Variants in PDE10A observed in about 807,000 individuals in gnomAD.
The protein encoded by PDE10A is cAMP and cAMP-inhibited cGMP 3',5'-cyclic phosphodiesterase 10A.
PDE10A carries 39 observed loss-of-function variants against 97.7 expected under a neutral mutation model. The ratio of observed to expected loss-of-function variants is 0.40; its 90% CI spans 0.31 to 0.52. The LOEUF is 0.52. Among genes scored for constraint, PDE10A ranks in the 20% least tolerant of loss-of-function variants. The probability of loss-of-function intolerance (pLI) is 0.56; values close to 1 mark genes in which losing one functional copy is unlikely to be tolerated. For synonymous variants in PDE10A, 371 were observed against 376.8 expected (o/e 0.98, Z 0.18); for missense variants, 731 against 1,047.8 (o/e 0.70, Z 4.17).
chr6:165,499,794 G>A (rs2128293837), intron 2 of PDE10A, among the ~76,000 whole-genome samples: 1 of 152,202 alleles, frequency 6.6e-6, no homozygotes, highest in East Asian at 1.9e-4. Context: ...TAGAAAATCA[G>A]AAGAAAATAT....
intron 2 of PDE10A, among the ~76,000 whole-genome samples, chr6:165,526,146 T>C (rs1782431790): frequency 6.6e-6 from 1 of 152,106 alleles, no homozygotes; most frequent in Non-Finnish European, 1.5e-5. Context: ...AAGGTAACTG[T>C]GTACTGGGGA....
chr6:165,758,244 C>T (rs1562721451), intron 1 of PDE10A, among the ~76,000 whole-genome samples: 1 of 152,058 alleles, frequency 6.6e-6, no homozygotes, highest in Non-Finnish European at 1.5e-5. Context: ...AGGTGGATCA[C>T]GAGGTCAGGA....
At chr6:165,958,546 A>G (rs1583348324) in intron 1 of PDE10A, among the ~76,000 whole-genome samples, 1 of 79,654 alleles carries the variant, frequency 1.3e-5, no homozygotes, top group Admixed American at 1.2e-4. Flanking sequence ...AGAAAGAAAG[A>G]AAGAAAGAAA....
chr6:165,908,919 G>A (rs555872372), intron 1 of PDE10A: 1 of 152,280 alleles, frequency 6.6e-6, no homozygotes, highest in East Asian at 1.9e-4. Context: ...TTAACTGAAG[G>A]ACACGTCAGA....
At chr6:165,818,290 G>A (rs1467954664) in intron 1 of PDE10A, among the ~76,000 whole-genome samples, 3 of 152,204 alleles carry the variant, frequency 2.0e-5, no homozygotes, top group South Asian at 2.1e-4. Context: ...GAAGGAGGCT[G>A]AGAAATAGAA....
intron 1 of PDE10A, among the ~76,000 whole-genome samples, chr6:165,696,119 A>T (rs968827361): frequency 7.2e-5 from 11 of 152,202 alleles, no homozygotes; most frequent in Non-Finnish European, 1.5e-4. Context: ...AGGGGGAAGG[A>T]AGATGGATGT....
At chr6:165,942,810 T>G (rs1783576539) in intron 1 of PDE10A, among the ~76,000 whole-genome samples, 1 of 152,182 alleles carries the variant, frequency 6.6e-6, no homozygotes, top group African/African-American at 2.4e-5. Context: ...TTATGGTGTT[T>G]GCCAATTCCA....
intron 1 of PDE10A, among the ~76,000 whole-genome samples, chr6:165,543,810 A>C (rs995053753): frequency 6.6e-6 from 1 of 151,258 alleles, no homozygotes; most frequent in African/African-American, 2.5e-5. Context: ...ACGTAATGCC[A>C]CTAAATTGTA....
intron 1 of PDE10A, among the ~76,000 whole-genome samples, chr6:165,874,492 G>T (rs1000049545): frequency 2.0e-5 from 3 of 152,292 alleles, no homozygotes; most frequent in Admixed American, 1.3e-4. Context: ...CTTCTCCTGT[G>T]CAATATAAGA....
At chr6:165,391,354 A>G (rs1044175821) in intron 16 of PDE10A, among the ~76,000 whole-genome samples, 1 of 152,218 alleles carries the variant, frequency 6.6e-6, no homozygotes, top group African/African-American at 2.4e-5. Flanking sequence ...ATGTATCAAC[A>G]AAGTTTTTCT....
At position 165,943,219 on chromosome 6, in the gene PDE10A, GAAAGAAA is replaced by G. The variant is rs1562809678; in HGVS notation, c.-615+44303_-615+44309del. Among the ~76,000 whole-genome samples, 288 of 72,790 alleles carry G rather than the reference GAAAGAAA, an allele frequency of 4.0e-3. 4 individuals are homozygous for G. The highest frequency in any genetic ancestry group is 4.9e-3 in the Non-Finnish European group (182 of 36,860). 47.8% of individuals were successfully genotyped at this position (72,790 alleles called of 152,430 possible). The stretch of plus-strand genomic sequence containing the variant: ...AGAAAGAAAGAAAGAAAGAAAGAAA[GAAAGAAA>G]GAAAGAAAGAAGGAAGGAAGGAAGG... On this transcript the variant is annotated intron_variant, in intron 1 of 19. Transcript: ENST00000366882.
intron 1 of PDE10A, among the ~76,000 whole-genome samples, chr6:165,553,282 G>A (rs549935960): frequency 1.3e-5 from 2 of 152,208 alleles, no homozygotes; most frequent in South Asian, 2.1e-4. Flanking sequence ...GAAATGAATG[G>A]AGGTTATCCA....
chr6:165,749,562 T>C lies in PDE10A; in HGVS notation c.-614-205994A>G, dbSNP rs546275450. Among the ~76,000 whole-genome samples, 13 of 151,044 alleles carry C rather than the reference T, an allele frequency of 8.6e-5. No homozygotes were observed. The East Asian group carries it at 2.6e-3, about 30-fold the overall frequency. ...CTACAATAAAGTTAGTAATGAACAA[T>C]AAATCCAAAGTAGGTAACTCTAAAT... On this transcript the variant is annotated intron_variant, in intron 1 of 19. Transcript: ENST00000366882.
chr6:165,491,428 A>T (rs887063247), intron 2 of PDE10A, among the ~76,000 whole-genome samples: 1 of 152,192 alleles, frequency 6.6e-6, no homozygotes, highest in Non-Finnish European at 1.5e-5. Context: ...CCTAGCCAAC[A>T]ATTGCAGAAT....
intron 1 of PDE10A, among the ~76,000 whole-genome samples, chr6:165,619,166 AGTGTAGTCTAG>A (rs1562634026): frequency 4.9e-5 from 6 of 123,370 alleles, no homozygotes; most frequent in African/African-American, 1.7e-4. Context: ...AGTGTAGTGT[AGTGTAGTCTAG>A]TGTAGTGTAG....
intron 1 of PDE10A, among the ~76,000 whole-genome samples, chr6:165,771,163 T>G (rs1041718855): frequency 6.6e-6 from 1 of 152,234 alleles, no homozygotes; most frequent in Non-Finnish European, 1.5e-5. Context: ...TGCCTCTGTT[T>G]ATTAAATCAT....
At chr6:165,356,036 C>A (rs1452259450) in intron 18 of PDE10A, among the ~76,000 whole-genome samples, 1 of 152,046 alleles carries the variant, frequency 6.6e-6, no homozygotes, top group Admixed American at 6.6e-5. Context: ...TATATGGCTG[C>A]AGGAGAGAGA....
intron 3 of PDE10A, among the ~76,000 whole-genome samples, chr6:165,461,118 G>C (rs943699788): frequency 1.6e-4 from 25 of 152,012 alleles, no homozygotes; most frequent in African/African-American, 5.6e-4. Context: ...GAATTCTCTA[G>C]TTTTCATAAT....
At chr6:165,398,758 A>C (rs1029915007) in intron 13 of PDE10A, among the ~76,000 whole-genome samples, 3 of 152,134 alleles carry the variant, frequency 2.0e-5, no homozygotes, top group Non-Finnish European at 2.9e-5. Flanking sequence ...TCAATTTTAA[A>C]GGTAGAGAGA....
Sources: allele counts gnomAD v4.1 joint callset (sites outside exome capture counted in the v4.1 genomes callset), GRCh38; gene constraint gnomAD v4.1.1; transcripts MANE v1.5; gene names NCBI Gene and HGNC (gene_info 2026-07-23, HGNC 2026-07-21).